The following ACAD11 variants were observed in gnomAD, a reference collection of about 807,000 sequenced individuals.
ACAD11 encodes acyl-CoA dehydrogenase family member 11.
In ACAD11, 83 loss-of-function variants were observed where a neutral mutation model predicts 102.2. The observed-to-expected ratio is 0.81, with a 90% CI of 0.68 to 0.97. The LOEUF (loss-of-function observed/expected upper bound fraction) is 0.97, where lower values mean the gene tolerates loss of function less well. Among genes scored for constraint, ACAD11 ranks in the 50% least tolerant of loss-of-function variants. ACAD11 has a pLI of 0.00. For missense variants in ACAD11, 901 were observed against 951.7 expected, an observed-to-expected ratio of 0.95 and a Z score of 0.70; for synonymous variants, 324 against 319.8, an observed-to-expected ratio of 1.01 and a Z score of -0.14.
Position 132,626,749 on chromosome 3 carries a change from T to C in ACAD11, c.1139A>G (p.Gln380Arg). 1.2e-6 allele frequency: 2 copies of C among 1,613,898 alleles called. No individual in the cohort carries two copies. Among genetic ancestry groups the C allele is most frequent in the Non-Finnish European group, 1.7e-6 (2 of 1,179,942 alleles). Residue 380 changes from glutamine (Q) to arginine (R), a missense_variant, in exon 9 of 20, where the codon CAG (glutamine) becomes CGG (arginine). Coordinates refer to ENST00000264990, the MANE Select transcript of ACAD11 (RefSeq NM_032169.5). ...ATGCTTCACCTTAATAAGAACTTCC[T>C]GACCTTTCCGAGTCTGTACAAACAA... ...GQLFVQTRKG[Q>R]EVLIKVKHFM...
chr3:132,610,796 A>G (rs1015931668), intron 11 of ACAD11, among the ~76,000 whole-genome samples: 1 of 152,176 alleles, frequency 6.6e-6, no homozygotes, highest in Non-Finnish European at 1.5e-5. Flanking sequence ...CCAGAGGTAG[A>G]AGAAGGAGCT....
intron 13 of ACAD11, among the ~76,000 whole-genome samples, chr3:132,596,669 T>G (rs1234467299): frequency 2.0e-5 from 3 of 152,110 alleles, no homozygotes; most frequent in African/African-American, 7.2e-5. Context: ...TGAAGGTTCA[T>G]ATTCTAGCTT....
At chr3:132,585,928 T>A (rs1238664306) in intron 13 of ACAD11, among the ~76,000 whole-genome samples, 1 of 152,164 alleles carries the variant, frequency 6.6e-6, no homozygotes, top group African/African-American at 2.4e-5. Flanking sequence ...TGGAAGTCAG[T>A]GTGGTGATTC....
chr3:132,583,175 A>G (rs1159346419), intron 13 of ACAD11, among the ~76,000 whole-genome samples: 4 of 152,018 alleles, frequency 2.6e-5, no homozygotes, highest in African/African-American at 9.7e-5. Context: ...GAATCCATCT[A>G]GTCCTGGACT....
chr3:132,597,419 A>C (rs1161866967), intron 13 of ACAD11: 1 of 151,860 alleles, frequency 6.6e-6, no homozygotes, highest in Non-Finnish European at 1.5e-5. Context: ...CTTGATGCAT[A>C]AAAGTTTAAA....
At chr3:132,606,854 G>A (rs1421675731) in intron 11 of ACAD11, among the ~76,000 whole-genome samples, 1 of 152,194 alleles carries the variant, frequency 6.6e-6, no homozygotes, top group Non-Finnish European at 1.5e-5. Context: ...TCCCAACAGG[G>A]GTCAACATAC....
intron 6 of ACAD11, 84 bp from the exon 7 acceptor site, chr3:132,630,642 T>C: frequency 1.6e-6 from 2 of 1,227,440 alleles, no homozygotes; most frequent in South Asian, 3.2e-5. Context: ...GACGCATATG[T>C]AAAACGGAAT....
intron 17 of ACAD11, among the ~76,000 whole-genome samples, chr3:132,565,529 G>A (rs1270907624): frequency 6.6e-6 from 1 of 152,120 alleles, no homozygotes; most frequent in Non-Finnish European, 1.5e-5. Flanking sequence ...GTATAAAACT[G>A]TTCAGGTTTC....
At chr3:132,621,458 A>G (rs1939604981) in intron 9 of ACAD11, among the ~76,000 whole-genome samples, 3 of 152,230 alleles carry the variant, frequency 2.0e-5, no homozygotes, top group African/African-American at 4.8e-5. Context: ...TCTATATGCA[A>G]TGAAACTATC....
intron 1 of ACAD11, among the ~76,000 whole-genome samples, chr3:132,653,401 C>G (rs1937622072): frequency 6.6e-6 from 1 of 152,150 alleles, no homozygotes; most frequent in Non-Finnish European, 1.5e-5. Context: ...TCTGTCTTCC[C>G]TCCAAAGTCT....
At chr3:132,608,750 A>C (rs1938973353) in intron 11 of ACAD11, among the ~76,000 whole-genome samples, 1 of 152,192 alleles carries the variant, frequency 6.6e-6, no homozygotes, top group Admixed American at 6.5e-5. Context: ...GAAAATTAAC[A>C]AGGATATTCA....
At chr3:132,623,571 T>C (rs1457957197) in intron 9 of ACAD11, among the ~76,000 whole-genome samples, 3 of 152,188 alleles carry the variant, frequency 2.0e-5, no homozygotes, top group Admixed American at 6.5e-5. Flanking sequence ...TATGGTTATG[T>C]CTCAGATTTA....
intron 4 of ACAD11, among the ~76,000 whole-genome samples, chr3:132,641,698 G>GAA (rs1940525618): frequency 9.0e-4 from 105 of 116,684 alleles, no homozygotes; most frequent in African/African-American, 3.1e-3. Context: ...AAGAGGAAGA[G>GAA]GAAGAAGAAG....
At chr3:132,627,073 T>A in intron 8 of ACAD11, 1 of 291,158 alleles carries the variant, frequency 3.4e-6, no homozygotes, top group Non-Finnish European at 6.5e-6. Context: ...TCAAGCAATG[T>A]TAGTGATAGA....
In ACAD11 at chr3:132,626,672, C is replaced by T; in HGVS notation, c.1197+19G>A. The T allele has an allele frequency of 6.2e-7, 1 of 1,612,002 alleles. No homozygotes were observed. Reference sequence around the variant, plus strand: ...GATAGTCCTTTAGCAGAAATACATTCTGCTTATATAATACTCACCTTTTCA... The same window carrying T: ...GATAGTCCTTTAGCAGAAATACATTTTGCTTATATAATACTCACCTTTTCA... On this transcript the variant is annotated intron_variant, in intron 9 of 19. Coordinates refer to ENST00000264990, the MANE Select transcript of ACAD11 (RefSeq NM_032169.5).
chr3:132,659,673 C>T lies in ACAD11; in HGVS notation c.79G>A (p.Ala27Thr), dbSNP rs780673385. ...QHKFDSKSLEAYLNQHLSGFG... is the reference protein window; with the variant it reads ...QHKFDSKSLETYLNQHLSGFG... ...CCAGACAAGTGCTGGTTTAGGTAGG[C>T]CTCCAGGGACTTGCTGTCGAACTTG... Residue 27 changes from alanine (A) to threonine (T), a missense_variant, in exon 1 of 20, where the codon GCC becomes ACC. Ala to Thr is a moderately conservative substitution (Grantham distance 58). Coordinates refer to ENST00000264990, the MANE Select transcript of ACAD11 (RefSeq NM_032169.5). The T allele has an allele frequency of 1.9e-5, 31 of 1,611,556 alleles. 1 individual carries two copies. The South Asian group carries it at 3.1e-4, about 16-fold the overall frequency.
intron 11 of ACAD11, among the ~76,000 whole-genome samples, chr3:132,617,870 C>G (rs1257414592): frequency 6.6e-6 from 1 of 152,154 alleles, no homozygotes; most frequent in Non-Finnish European, 1.5e-5. Context: ...CACACTCTTG[C>G]CTTTTCTGTT....
intron 11 of ACAD11, among the ~76,000 whole-genome samples, chr3:132,614,689 G>C (rs1330424409): frequency 6.6e-6 from 1 of 152,144 alleles, no homozygotes; most frequent in African/African-American, 2.4e-5. Context: ...ATGGATTAAA[G>C]ACTTAAACGT....
chr3:132,577,715 C>A (rs1257195974), intron 15 of ACAD11, among the ~76,000 whole-genome samples: 1 of 152,190 alleles, frequency 6.6e-6, no homozygotes. Flanking sequence ...TCAGAGGAGA[C>A]AATAATCAGC....
Sources: gnomAD v4.1 joint callset for allele counts (sites outside exome capture counted in the v4.1 genomes callset) on GRCh38, gnomAD v4.1.1 for gene constraint, MANE v1.5 for transcripts, NCBI Gene and HGNC (gene_info 2026-07-23, HGNC 2026-07-21) for gene names.